TESMIN: variants seen among roughly 807,000 people sequenced by gnomAD.
TESMIN encodes CXC domain containing 2.
In TESMIN, 34 loss-of-function variants were observed where a neutral mutation model predicts 47.4. The observed-to-expected ratio is 0.72, with a 90% confidence interval of 0.55 to 0.96. The LOEUF (loss-of-function observed/expected upper bound fraction) is 0.96. Among genes scored for constraint, TESMIN ranks in the 40% least tolerant of loss-of-function variants. The pLI is 0.00. For synonymous variants in TESMIN, 278 were observed against 258.9 expected (o/e 1.07, Z -0.71); for missense variants, 610 against 637.2 (o/e 0.96, Z 0.46).
At chr11:68,745,490 C>T (rs1251008842) in intron 3 of TESMIN, among the ~76,000 whole-genome samples, 4 of 152,156 alleles carry the variant, frequency 2.6e-5, no homozygotes, top group Admixed American at 2.6e-4. Context: ...GAAGAGGGTG[C>T]TGCTCCGCTA....
chr11:68,726,129 G>A (rs1018543708), intron 6 of TESMIN, among the ~76,000 whole-genome samples: 9 of 152,042 alleles, frequency 5.9e-5, no homozygotes, highest in African/African-American at 1.7e-4. Flanking sequence ...AACCCCAGTC[G>A]AAGGCACACT....
At chr11:68,743,064 G>C (rs1312270385) in intron 4 of TESMIN, among the ~76,000 whole-genome samples, 1 of 151,812 alleles carries the variant, frequency 6.6e-6, no homozygotes, top group Admixed American at 6.6e-5. Flanking sequence ...TTTTTGTAGA[G>C]ACAGGATCTT....
chr11:68,715,940 C>A lies in TESMIN; in HGVS notation c.918-1G>T, dbSNP rs1846756938. 6.3e-7 allele frequency: 1 copy of A among 1,599,502 alleles called. No individual in the cohort carries two copies. The highest frequency in any genetic ancestry group is 8.6e-7 in the Non-Finnish European group (1 of 1,167,048). On this transcript the variant is annotated splice_acceptor_variant, in intron 6 of 9. Transcript: ENST00000255087. LOFTEE classifies it high-confidence loss of function. ...CCCACTGGCAAAGCAGTCACAGTACCTGTGAAGGAAAGGACAGAGTGAGTG... is the reference window on the plus strand; with the variant it reads ...CCCACTGGCAAAGCAGTCACAGTACATGTGAAGGAAAGGACAGAGTGAGTG...
At chr11:68,709,756 C>A (rs1183346416) in intron 9 of TESMIN, among the ~76,000 whole-genome samples, 1 of 151,926 alleles carries the variant, frequency 6.6e-6, no homozygotes, top group Non-Finnish European at 1.5e-5. Flanking sequence ...AGACGAGGCT[C>A]CAATGTACAG....
intron 6 of TESMIN, among the ~76,000 whole-genome samples, chr11:68,729,238 C>CT (rs1162698277): frequency 6.6e-6 from 1 of 152,176 alleles, no homozygotes; most frequent in Non-Finnish European, 1.5e-5. Flanking sequence ...GAAGTTGATT[C>CT]TAACCAGCTG....
At chr11:68,735,092 T>C (rs1244013889) in intron 6 of TESMIN, among the ~76,000 whole-genome samples, 1 of 152,270 alleles carries the variant, frequency 6.6e-6, no homozygotes, top group Non-Finnish European at 1.5e-5. Context: ...GAATGCTGTA[T>C]TAATTGAGAA....
At chr11:68,751,058 C>A (rs189973601) in intron 1 of TESMIN, among the ~76,000 whole-genome samples, 1,144 of 34,966 alleles carry the variant, frequency 0.033, 26 homozygotes, top group Middle Eastern at 0.062. Flanking sequence ...AGGGGAGGGG[C>A]GGCCAGGGGA....
intron 8 of TESMIN, 120 bp from the exon 9 acceptor site, chr11:68,711,169 G>T: frequency 3.6e-6 from 3 of 822,268 alleles, no homozygotes; most frequent in Admixed American, 2.7e-5. Context: ...GAGAGTGTGT[G>T]TGTGTCTGTG....
At position 68,708,520 on chromosome 11, in the gene TESMIN, T is replaced by A; in HGVS notation, c.1335-20A>T. 1 of 1,587,096 alleles carries A rather than the reference T, an allele frequency of 6.3e-7. No homozygotes were observed. The highest frequency in any genetic ancestry group is 8.6e-7 in the Non-Finnish European group (1 of 1,168,556). On this transcript the variant is annotated intron_variant, in intron 9 of 9. Transcript: ENST00000255087. Reference sequence around the variant, plus strand: ...GGCCGCCTGTCAGAAACAGAGCAGTTAAAGGCCGCTCAACAGTGCACCATT... The same window carrying A: ...GGCCGCCTGTCAGAAACAGAGCAGTAAAAGGCCGCTCAACAGTGCACCATT...
rs777596433 is a variant in TESMIN, at chr11:68,710,878, C to A, written c.1330G>T (p.Asp444Tyr). ...AGGTTAGTTCAAAGTACCTACCTATCGTGACTGAATCTTGGAAGTCCTGAA... is the reference window on the plus strand; with the variant it reads ...AGGTTAGTTCAAAGTACCTACCTATAGTGACTGAATCTTGGAAGTCCTGAA... ...KFSGLPRFSH[D>Y]RRPSSCISWE... Residue 444 changes from aspartate to tyrosine, a missense_variant, in exon 9 of 10, where the codon GAT becomes TAT. Asp to Tyr is a radical substitution (Grantham distance 160, BLOSUM62 -3). Transcript: ENST00000255087. The A allele has an allele frequency of 6.2e-7, 1 of 1,611,670 alleles. No homozygotes were observed. Among genetic ancestry groups the A allele is most frequent in the African/African-American group, 1.3e-5 (1 of 74,888 alleles).
rs1946573348 is a variant in TESMIN, at chr11:68,750,229, G to A, written c.432C>T (p.Val144=). Residue 144 remains valine (V), a synonymous_variant, in exon 2 of 10, where the codon GTC becomes GTT. Transcript: ENST00000255087. Reference sequence around the variant, plus strand: ...CGCCCGGGTGGGAGGCTCCTTCCAGGACCCAGGCGCCCAGGGGCAACACCG... The same window carrying A: ...CGCCCGGGTGGGAGGCTCCTTCCAGAACCCAGGCGCCCAGGGGCAACACCG... The part of the protein sequence containing the change: ...SPAVLPLGAW[V]LEGASHPGVR... The A allele has an allele frequency of 6.6e-7, 1 of 1,523,020 alleles. No individual in the cohort carries two copies. Among genetic ancestry groups the A allele is most frequent in the South Asian group, 1.3e-5 (1 of 79,236 alleles). 94.3% of individuals were successfully genotyped at this position (1,523,020 alleles called of 1,614,324 possible). A position where few individuals can be genotyped will look rare whatever the true frequency, so the allele number is the denominator to read the frequency against.
chr11:68,716,903 G>T (rs1946146380), intron 6 of TESMIN, among the ~76,000 whole-genome samples: 1 of 152,212 alleles, frequency 6.6e-6, no homozygotes, highest in Non-Finnish European at 1.5e-5. Flanking sequence ...TGTGAGCATG[G>T]TTCATCGAAA....
chr11:68,750,063 G>T, intron 2 of TESMIN, 127 bp downstream of exon 2: 1 of 724,682 alleles, frequency 1.4e-6, no homozygotes. Context: ...AGTGACTCCG[G>T]TGGGCTGTGT....
chr11:68,747,355 C>T lies in TESMIN; in HGVS notation c.483G>A (p.Lys161=). Reference sequence around the variant, plus strand: ...TACTTGTAGTAGTACCACCTGCTTCCTTGATTTCAACCTAGAAAAAAGCAA... The same window carrying T: ...TACTTGTAGTAGTACCACCTGCTTCTTTGATTTCAACCTAGAAAAAAGCAA... The part of the protein sequence containing the change: ...PGVRMIPVEI[K]EAGGTTTSNN... Residue 161 remains lysine, a synonymous_variant, in exon 3 of 10, where the codon AAG becomes AAA. Transcript: ENST00000255087. The T allele has an allele frequency of 6.2e-7, 1 of 1,612,230 alleles. No homozygotes were observed. Among genetic ancestry groups the T allele is most frequent in the African/African-American group, 1.3e-5 (1 of 75,016 alleles).
intron 6 of TESMIN, among the ~76,000 whole-genome samples, chr11:68,721,533 T>C (rs942260086): frequency 6.6e-6 from 1 of 152,240 alleles, no homozygotes; most frequent in East Asian, 1.9e-4. Flanking sequence ...CACTTTAGAC[T>C]GTGAGTGCTG....
intron 6 of TESMIN, chr11:68,737,744 T>C (rs1444518676): frequency 5.6e-6 from 5 of 894,412 alleles, no homozygotes; most frequent in Admixed American, 6.2e-5. Context: ...AAACCCAGTC[T>C]CTACTAAAAA....
chr11:68,740,958 C>T (rs1221642724), intron 5 of TESMIN, among the ~76,000 whole-genome samples: 2 of 152,128 alleles, frequency 1.3e-5, no homozygotes, highest in Non-Finnish European at 2.9e-5. Flanking sequence ...CTCCATCTCT[C>T]CAATCATCCA....
intron 6 of TESMIN, chr11:68,732,924 A>C (rs1946345797): frequency 6.6e-6 from 1 of 152,238 alleles, no homozygotes; most frequent in Non-Finnish European, 1.5e-5. Context: ...TCTGTAATGG[A>C]AAAATCACGT....
intron 6 of TESMIN, among the ~76,000 whole-genome samples, chr11:68,721,082 TATGA>T (rs1401301817): frequency 6.6e-6 from 1 of 152,200 alleles, no homozygotes; most frequent in Admixed American, 6.5e-5. Context: ...ATCAGTATGT[TATGA>T]ATGTTTCCCA....
Sources: gnomAD v4.1 joint callset for allele counts (sites outside exome capture counted in the v4.1 genomes callset) on GRCh38, gnomAD v4.1.1 for gene constraint, MANE v1.5 for transcripts, NCBI Gene and HGNC (gene_info 2026-07-23, HGNC 2026-07-21) for gene names.